Variants in SERGEF observed in about 807,000 individuals in gnomAD.
SERGEF encodes secretion-regulating guanine nucleotide exchange factor.
In SERGEF, 51 loss-of-function variants were observed where a neutral mutation model predicts 50.0. The observed-to-expected ratio is 1.02, with a 90% CI of 0.81 to 1.29. The LOEUF (loss-of-function observed/expected upper bound fraction) is 1.29. Ranked by LOEUF, SERGEF falls within the 50% of genes most tolerant of loss-of-function variation. The probability of loss-of-function intolerance (pLI) is 0.00; values close to 1 mark genes in which losing one functional copy is unlikely to be tolerated. For synonymous variants in SERGEF, 205 were observed against 212.4 expected, an observed-to-expected ratio of 0.97 and a Z score of 0.30; for missense variants, 521 against 557.0, an observed-to-expected ratio of 0.94 and a Z score of 0.65.
At chr11:17,935,887 T>C (rs1228658480) in intron 9 of SERGEF, among the ~76,000 whole-genome samples, 1 of 151,838 alleles carries the variant, frequency 6.6e-6, no homozygotes, top group Non-Finnish European at 1.5e-5. Context: ...TAAAGCAAAG[T>C]GGGGAGATGG....
intron 10 of SERGEF, among the ~76,000 whole-genome samples, chr11:17,806,073 C>G (rs1055599140): frequency 6.6e-6 from 1 of 152,192 alleles, no homozygotes; most frequent in South Asian, 2.1e-4. Context: ...CTGAGCTACA[C>G]AGGACAGACT....
At chr11:17,800,508 G>A (rs1342278826) in intron 10 of SERGEF, among the ~76,000 whole-genome samples, 1 of 152,150 alleles carries the variant, frequency 6.6e-6, no homozygotes, top group Non-Finnish European at 1.5e-5. Context: ...AATAGTTATA[G>A]AGTGCCAATA....
At chr11:17,833,961 G>C (rs1306990239) in intron 10 of SERGEF, among the ~76,000 whole-genome samples, 1 of 152,200 alleles carries the variant, frequency 6.6e-6, no homozygotes, top group African/African-American at 2.4e-5. Context: ...GGACTTCTGA[G>C]TTAATGCTAA....
chr11:17,920,625 A>T (rs1267555435), intron 9 of SERGEF, among the ~76,000 whole-genome samples: 3 of 152,160 alleles, frequency 2.0e-5, no homozygotes, highest in African/African-American at 7.2e-5. Context: ...TCCAACTTCA[A>T]CTCTCACTCT....
At chr11:17,860,923 G>A (rs1850914830) in intron 10 of SERGEF, among the ~76,000 whole-genome samples, 1 of 152,174 alleles carries the variant, frequency 6.6e-6, no homozygotes, top group South Asian at 2.1e-4. Flanking sequence ...GAGCAAGAAG[G>A]GATCATCATG....
chr11:17,993,137 A>C, intron 6 of SERGEF, 144 bp from the exon 7 acceptor site: 1 of 631,876 alleles, frequency 1.6e-6, no homozygotes, highest in Non-Finnish European at 2.8e-6. Flanking sequence ...GGCCAAGAAG[A>C]TGGCTGGCAT....
chr11:17,923,324 G>A (rs1261219281), intron 9 of SERGEF, among the ~76,000 whole-genome samples: 1 of 152,236 alleles, frequency 6.6e-6, no homozygotes, highest in East Asian at 1.9e-4. Flanking sequence ...ACACAGCAGA[G>A]GCTGGCCAGA....
intron 9 of SERGEF, among the ~76,000 whole-genome samples, chr11:17,898,107 TA>T (rs545730735): frequency 2.6e-5 from 4 of 152,158 alleles, no homozygotes; most frequent in African/African-American, 7.2e-5. Context: ...TTAACACTAT[TA>T]AAAAATATAT....
chr11:17,815,109 C>G (rs1214594008), intron 10 of SERGEF, among the ~76,000 whole-genome samples: 1 of 152,098 alleles, frequency 6.6e-6, no homozygotes, highest in Non-Finnish European at 1.5e-5. Flanking sequence ...ATCCTTTGAG[C>G]CCAAGAGTGC....
intron 10 of SERGEF, among the ~76,000 whole-genome samples, chr11:17,860,107 G>T (rs926461106): frequency 2.6e-5 from 4 of 152,198 alleles, no homozygotes; most frequent in Non-Finnish European, 5.9e-5. Context: ...TGGTGAAAGT[G>T]GGGGTGGGGA....
intron 9 of SERGEF, among the ~76,000 whole-genome samples, chr11:17,946,725 G>C (rs1852670060): frequency 6.6e-6 from 1 of 152,176 alleles, no homozygotes; most frequent in Admixed American, 6.5e-5. Context: ...CCTAAAATAG[G>C]TGTCTGAGGA....
chr11:17,800,859 T>C (rs1459675980), intron 10 of SERGEF, among the ~76,000 whole-genome samples: 1 of 152,090 alleles, frequency 6.6e-6, no homozygotes, highest in African/African-American at 2.4e-5. Flanking sequence ...GGTGACCACG[T>C]GTGTCTGGGG....
intron 10 of SERGEF, among the ~76,000 whole-genome samples, chr11:17,813,411 G>C (rs1849908988): frequency 6.6e-6 from 1 of 152,182 alleles, no homozygotes; most frequent in African/African-American, 2.4e-5. Flanking sequence ...TTGGTCCAGA[G>C]CTCTTTTCAC....
chr11:17,833,687 AC>A (rs1027411136), intron 10 of SERGEF, among the ~76,000 whole-genome samples: 4 of 152,178 alleles, frequency 2.6e-5, no homozygotes, highest in African/African-American at 9.7e-5. Context: ...ATGGGAACCT[AC>A]CTCTTGCATC....
At chr11:17,975,521 C>T (rs557184890) in intron 8 of SERGEF, among the ~76,000 whole-genome samples, 1 of 152,144 alleles carries the variant, frequency 6.6e-6, no homozygotes, top group African/African-American at 2.4e-5. Context: ...GGCCAATGAA[C>T]CAGATAACTC....
At chr11:17,940,500 T>C (rs986164698) in intron 9 of SERGEF, among the ~76,000 whole-genome samples, 2 of 152,160 alleles carry the variant, frequency 1.3e-5, no homozygotes, top group Non-Finnish European at 2.9e-5. Flanking sequence ...ACATGTAGAA[T>C]GCTAGGTAAG....
chr11:17,842,373 A>C (rs1850519687), intron 10 of SERGEF, among the ~76,000 whole-genome samples: 1 of 152,200 alleles, frequency 6.6e-6, no homozygotes, highest in African/African-American at 2.4e-5. Flanking sequence ...TCTGGTATCC[A>C]CTACAGTGAA....
chr11:17,983,224 C>T (rs575296526), intron 8 of SERGEF, among the ~76,000 whole-genome samples: 2 of 152,340 alleles, frequency 1.3e-5, no homozygotes, highest in African/African-American at 4.8e-5. Flanking sequence ...ACCAACTCCA[C>T]ATTAAGGTTT....
At chr11:17,855,192 C>T (rs1850794805) in intron 10 of SERGEF, 1 of 152,086 alleles carries the variant, frequency 6.6e-6, no homozygotes, top group Non-Finnish European at 1.5e-5. Context: ...CTCAGAAGGC[C>T]TATATAAAGT....
Sources: gnomAD v4.1 joint callset for allele counts (sites outside exome capture counted in the v4.1 genomes callset) on GRCh38, gnomAD v4.1.1 for gene constraint, MANE v1.5 for transcripts, NCBI Gene and HGNC (gene_info 2026-07-23, HGNC 2026-07-21) for gene names.